The following PDPN variants were observed in gnomAD, a reference collection of about 807,000 sequenced individuals.
PDPN encodes PA2.26 antigen.
Under a neutral mutation model 23.2 loss-of-function variants are expected in PDPN, and 12 were observed. That is an observed-to-expected ratio of 0.52 (90% CI 0.33 to 0.84). The LOEUF (loss-of-function observed/expected upper bound fraction) is 0.84, where lower values mean the gene tolerates loss of function less well. Among genes scored for constraint, PDPN ranks in the 40% least tolerant of loss-of-function variants. PDPN has a pLI of 0.02. For synonymous variants in PDPN, 77 were observed against 76.7 expected, an observed-to-expected ratio of 1.00 and a Z score of -0.02; for missense variants, 199 against 212.2, an observed-to-expected ratio of 0.94 and a Z score of 0.39.
intron 3 of PDPN, among the ~76,000 whole-genome samples, chr1:13,612,123 CA>C (rs3835557): frequency 0.68 from 103,688 of 151,992 alleles, 35,606 homozygotes; most frequent in Admixed American, 0.76. Flanking sequence ...CTTCCTGTCA[CA>C]AAAAAATTGT....
chr1:13,603,877 G>A (rs1014382210), intron 1 of PDPN, among the ~76,000 whole-genome samples: 16 of 152,112 alleles, frequency 1.1e-4, no homozygotes, highest in Non-Finnish European at 2.1e-4. Flanking sequence ...GTGAGCCACC[G>A]CGCCCAGCCC....
intron 1 of PDPN, among the ~76,000 whole-genome samples, chr1:13,585,924 A>G (rs1214099267): frequency 6.6e-6 from 1 of 152,108 alleles, no homozygotes; most frequent in African/African-American, 2.4e-5. Context: ...TTTTCATAAG[A>G]TCCTACGCCC....
intron 3 of PDPN, among the ~76,000 whole-genome samples, chr1:13,610,971 G>A (rs948562498): frequency 3.9e-5 from 6 of 152,182 alleles, no homozygotes; most frequent in African/African-American, 9.7e-5. Flanking sequence ...CCTATAATCC[G>A]AGCACTTTGG....
At chr1:13,611,061 A>G (rs1348627113) in intron 3 of PDPN, among the ~76,000 whole-genome samples, 2 of 152,088 alleles carry the variant, frequency 1.3e-5, no homozygotes, top group Non-Finnish European at 2.9e-5. Flanking sequence ...CTCTACTGAA[A>G]ATACTAAAAA....
At chr1:13,609,068 G>A (rs1476714953) in intron 2 of PDPN, among the ~76,000 whole-genome samples, 2 of 152,178 alleles carry the variant, frequency 1.3e-5, no homozygotes, top group African/African-American at 4.8e-5. Flanking sequence ...TTGGAACACA[G>A]CAATGCCCAT....
chr1:13,583,824 A>G (rs769957523), upstream of PDPN: 9 of 1,553,036 alleles, frequency 5.8e-6, no homozygotes, highest in Non-Finnish European at 7.0e-6. Context: ...TCCGCTCGGA[A>G]AGTTCTCAAC....
At position 13,615,959 on chromosome 1, in the gene PDPN, G is replaced by A. The variant is rs368180338; in HGVS notation, c.*48G>A. On this transcript the variant is annotated 3_prime_UTR_variant, in exon 6 of 6. Coordinates refer to ENST00000621990, the MANE Select transcript of PDPN (RefSeq NM_006474.5). ...CTGCCAACGTGCTTAAAAAAAGACC[G>A]TTTCTGACTCTGTGCCCTGTCCCTG... The A allele has an allele frequency of 1.3e-5, 20 of 1,582,504 alleles. No homozygotes were observed. Among genetic ancestry groups the A allele is most frequent in the South Asian group, 3.3e-5 (3 of 90,446 alleles).
Position 13,607,200 on chromosome 1 carries a change from CTG to C in PDPN, c.96_97del (p.Glu33AspfsTer16), listed in dbSNP as rs1431596974. 6.2e-7 allele frequency: 1 copy of C among 1,614,086 alleles called. No homozygotes were observed. The highest frequency in any genetic ancestry group is 1.3e-5 in the African/African-American group (1 of 75,058). On this transcript the variant is annotated frameshift_variant, in exon 2 of 6. Transcript: ENST00000621990. LOFTEE classifies it high-confidence loss of function. The stretch of plus-strand genomic sequence containing the variant: ...AGCACAGGCCAGCCAGAAGATGACA[CTG>C]AGACTACAGGTTTGGAAGGCGGCGT...
At chr1:13,612,913 C>G (rs1640970793) in intron 3 of PDPN, among the ~76,000 whole-genome samples, 1 of 140,040 alleles carries the variant, frequency 7.1e-6, no homozygotes, top group African/African-American at 2.7e-5. Context: ...TTGACTTTTT[C>G]TCTATCTGCA....
At chr1:13,601,887 A>G (rs1640649554) in intron 1 of PDPN, among the ~76,000 whole-genome samples, 3 of 152,284 alleles carry the variant, frequency 2.0e-5, no homozygotes, top group Admixed American at 2.0e-4. Context: ...TGTGAGTGTG[A>G]TGTCAAAGAG....
At chr1:13,609,660 T>C (rs1365819869) in intron 2 of PDPN, among the ~76,000 whole-genome samples, 1 of 152,212 alleles carries the variant, frequency 6.6e-6, no homozygotes, top group Non-Finnish European at 1.5e-5. Flanking sequence ...TCTAGGCACC[T>C]CATGTAAGTG....
intron 1 of PDPN, among the ~76,000 whole-genome samples, chr1:13,603,755 AT>A (rs1219437117): frequency 6.6e-6 from 1 of 151,864 alleles, no homozygotes; most frequent in African/African-American, 2.4e-5. Flanking sequence ...TGCCAGGCTA[AT>A]TTTTGTATTT....
Position 13,583,884 on chromosome 1 carries a change from TC to T in PDPN, c.-147del. ...TAGGGTCTGGGAAGCTCGGGCACCC[TC>T]CCTCTCCGGGGCTCCTGCTCCCACC... On this transcript the variant is annotated 5_prime_UTR_variant, in exon 1 of 6. Transcript: ENST00000621990. 1.2e-6 allele frequency: 2 copies of T among 1,610,404 alleles called. No homozygotes were observed. Among genetic ancestry groups the T allele is most frequent in the South Asian group, 2.2e-5 (2 of 90,672 alleles).
At chr1:13,586,685 C>T (rs355028) in intron 1 of PDPN, among the ~76,000 whole-genome samples, 24,827 of 150,470 alleles carry the variant, frequency 0.16, 2,613 homozygotes, top group East Asian at 0.53. Context: ...ACTCTTATCT[C>T]GGAATATACC....
intron 1 of PDPN, among the ~76,000 whole-genome samples, chr1:13,592,807 C>T (rs1640384947): frequency 1.3e-5 from 2 of 152,152 alleles, no homozygotes; most frequent in African/African-American, 4.8e-5. Flanking sequence ...GCCTCTGCCT[C>T]CCAAAGTGCT....
chr1:13,586,616 A>G (rs1008542746), intron 1 of PDPN, among the ~76,000 whole-genome samples: 1 of 152,168 alleles, frequency 6.6e-6, no homozygotes, highest in African/African-American at 2.4e-5. Flanking sequence ...ATCGCCTGCC[A>G]TGTGCTAGGA....
intron 1 of PDPN, among the ~76,000 whole-genome samples, chr1:13,603,615 G>A (rs1308629228): frequency 1.4e-5 from 2 of 148,062 alleles, no homozygotes; most frequent in African/African-American, 5.0e-5. Context: ...TTAAGACAGA[G>A]TCTCACTTTG....
At chr1:13,610,258 C>G in intron 2 of PDPN, 129 bp from the exon 3 acceptor site, 1 of 681,292 alleles carries the variant, frequency 1.5e-6, no homozygotes, top group Non-Finnish European at 2.5e-6. Flanking sequence ...TCATTTTCTT[C>G]TACTTGCAAT....
At chr1:13,584,257 A>T in intron 1 of PDPN, 157 bp downstream of exon 1, 1 of 1,514,638 alleles carries the variant, frequency 6.6e-7, no homozygotes. Context: ...GGAGGAGGAG[A>T]GGCAGCGGCT....
Sources: gnomAD v4.1 joint callset for allele counts (sites outside exome capture counted in the v4.1 genomes callset) on GRCh38, gnomAD v4.1.1 for gene constraint, MANE v1.5 for transcripts, NCBI Gene and HGNC (gene_info 2026-07-23, HGNC 2026-07-21) for gene names.